MMD2: variants seen among roughly 807,000 people sequenced by gnomAD.
MMD2 encodes the protein monocyte to macrophage differentiation associated 2, also known as monocyte to macrophage differentiation factor 2.
MMD2 carries 30 observed loss-of-function variants against 33.5 expected under a neutral mutation model. The ratio of observed to expected loss-of-function variants is 0.90; its 90% CI spans 0.67 to 1.22. The LOEUF is 1.22. Among genes scored for constraint, MMD2 ranks in the 50% most tolerant of loss-of-function variants. The pLI is 0.00. For synonymous variants in MMD2, 129 were observed against 123.0 expected (o/e 1.05, Z -0.32); for missense variants, 364 against 325.4 (o/e 1.12, Z -0.91).
At chr7:4,953,723 G>A (rs759454134) in intron 1 of MMD2, among the ~76,000 whole-genome samples, 6 of 152,156 alleles carry the variant, frequency 3.9e-5, no homozygotes, top group Non-Finnish European at 8.8e-5. Context: ...CACCTGCCTT[G>A]GCTTCCCAAA....
chr7:4,937,580 T>A (rs1785777345), intron 1 of MMD2, among the ~76,000 whole-genome samples: 1 of 152,146 alleles, frequency 6.6e-6, no homozygotes, highest in Non-Finnish European at 1.5e-5. Flanking sequence ...ACAATCATAG[T>A]TTGTTGCAGC....
chr7:4,951,272 C>A (rs538378728), intron 1 of MMD2, among the ~76,000 whole-genome samples: 1 of 152,034 alleles, frequency 6.6e-6, no homozygotes, highest in East Asian at 1.9e-4. Flanking sequence ...CAAATCCAGA[C>A]GGTTTAACTG....
intron 1 of MMD2, among the ~76,000 whole-genome samples, chr7:4,952,180 C>T (rs1232565758): frequency 6.6e-6 from 1 of 152,230 alleles, no homozygotes; most frequent in African/African-American, 2.4e-5. Flanking sequence ...CTCCTGCTCC[C>T]AGCGGCTTGC....
intron 1 of MMD2, among the ~76,000 whole-genome samples, chr7:4,949,703 G>A (rs1011067659): frequency 7.2e-5 from 11 of 151,844 alleles, no homozygotes; most frequent in Admixed American, 3.3e-4. Context: ...GTAGAGACGG[G>A]GTTTCACCAT....
intron 1 of MMD2, among the ~76,000 whole-genome samples, chr7:4,937,266 G>A (rs889914332): frequency 2.5e-4 from 38 of 151,354 alleles, no homozygotes; most frequent in East Asian, 2.0e-4. Flanking sequence ...GCACAGTGGC[G>A]CGCACCTGTA....
chr7:4,907,723 G>T lies in MMD2; in HGVS notation c.538-124C>A, dbSNP rs181074655. ...GATGGCAAACCAGCCCAGACTCCCA[G>T]GTGGGAAGCCTCAACACTGACATAC... is the stretch of plus-strand genomic sequence containing the variant. On this transcript the variant is annotated intron_variant, in intron 6 of 6. Coordinates refer to ENST00000401401, the MANE Select transcript of MMD2 (RefSeq NM_198403.4). The T allele has an allele frequency of 6.0e-4, 492 of 818,932 alleles. 3 individuals carry two copies. The highest frequency in any genetic ancestry group is 8.7e-5 in the Non-Finnish European group (44 of 502,966). 50.7% of individuals were successfully genotyped at this position (818,932 alleles called of 1,614,324 possible). A position where few individuals can be genotyped will look rare whatever the true frequency, so the allele number is the denominator to read the frequency against.
At chr7:4,904,594 CA>C (rs1243705049), downstream of MMD2, among the ~76,000 whole-genome samples, 18 of 152,152 alleles carry the variant, frequency 1.2e-4, no homozygotes, top group Admixed American at 2.0e-4. Flanking sequence ...TCTTTAGGAT[CA>C]GGGGTTGCTT....
intron 1 of MMD2, 26 bp from the exon 2 acceptor site, chr7:4,925,558 A>G: frequency 6.5e-7 from 1 of 1,540,130 alleles, no homozygotes; most frequent in Non-Finnish European, 8.8e-7. Context: ...GAATTCCAGG[A>G]AGCTCCGCTG....
At chr7:4,911,636 T>A (rs567512431) in intron 4 of MMD2, among the ~76,000 whole-genome samples, 175 of 151,478 alleles carry the variant, frequency 1.2e-3, no homozygotes, top group Non-Finnish European at 1.7e-3. Flanking sequence ...ATTTTATTTA[T>A]TTTATTTTAT....
intron 6 of MMD2, among the ~76,000 whole-genome samples, chr7:4,908,450 A>G (rs1200767174): frequency 6.6e-6 from 1 of 152,044 alleles, no homozygotes; most frequent in Non-Finnish European, 1.5e-5. Context: ...CCTATAGCTT[A>G]TCTTTTGTAA....
chr7:4,904,454 T>C (rs1366942858), downstream of MMD2, among the ~76,000 whole-genome samples: 1 of 152,178 alleles, frequency 6.6e-6, no homozygotes, highest in African/African-American at 2.4e-5. Flanking sequence ...AAGCATGCCC[T>C]GAATTGGAGT....
intron 1 of MMD2, among the ~76,000 whole-genome samples, chr7:4,932,482 C>T (rs1401862261): frequency 1.3e-5 from 2 of 152,046 alleles, no homozygotes; most frequent in East Asian, 3.8e-4. Context: ...TACGGAGAGT[C>T]CTGTAACTGC....
intron 1 of MMD2, among the ~76,000 whole-genome samples, chr7:4,944,824 G>C (rs1786011667): frequency 2.5e-5 from 3 of 121,132 alleles, no homozygotes; most frequent in Non-Finnish European, 4.8e-5. Flanking sequence ...CTGGAGTGAA[G>C]TGGCACGATC....
chr7:4,932,905 G>A (rs1010843303), intron 1 of MMD2, among the ~76,000 whole-genome samples: 3 of 151,706 alleles, frequency 2.0e-5, no homozygotes, highest in African/African-American at 7.3e-5. Flanking sequence ...GATTACAGGC[G>A]TGAGCCACCA....
At chr7:4,922,996 A>G (rs184371649) in intron 2 of MMD2, among the ~76,000 whole-genome samples, 1 of 152,184 alleles carries the variant, frequency 6.6e-6, no homozygotes. Context: ...TGGACTATGA[A>G]TATGCCTTGT....
At chr7:4,958,403 T>G (rs1463795467) in intron 1 of MMD2, among the ~76,000 whole-genome samples, 1 of 152,158 alleles carries the variant, frequency 6.6e-6, no homozygotes, top group Non-Finnish European at 1.5e-5. Context: ...ACGGAGGTTC[T>G]GAGGGGACCA....
At chr7:4,958,941 TC>T in intron 1 of MMD2, 29 bp downstream of exon 1, 1 of 1,111,042 alleles carries the variant, frequency 9.0e-7, no homozygotes. Flanking sequence ...CCTCCCTCCC[TC>T]CCCGCGGACC....
At chr7:4,955,865 C>A (rs548879934) in intron 1 of MMD2, among the ~76,000 whole-genome samples, 3 of 152,120 alleles carry the variant, frequency 2.0e-5, no homozygotes, top group Non-Finnish European at 4.4e-5. Flanking sequence ...CCAGCCTGGC[C>A]AATATGGTGA....
chr7:4,927,363 G>C (rs1785460299), intron 1 of MMD2, among the ~76,000 whole-genome samples: 1 of 151,972 alleles, frequency 6.6e-6, no homozygotes, highest in African/African-American at 2.4e-5. Flanking sequence ...TGGTCAACAT[G>C]GTGAAACCCC....
Sources: allele counts gnomAD v4.1 joint callset (sites outside exome capture counted in the v4.1 genomes callset), GRCh38; gene constraint gnomAD v4.1.1; transcripts MANE v1.5; gene names NCBI Gene and HGNC (gene_info 2026-07-23, HGNC 2026-07-21).